Variants in LACTBL1 observed in about 807,000 individuals in gnomAD.
LACTBL1 encodes lactamase beta like 1.
Under a neutral mutation model 39.6 loss-of-function variants are expected in LACTBL1, and 29 were observed. The ratio of observed to expected loss-of-function variants is 0.73; its 90% confidence interval spans 0.55 to 1.00. LACTBL1 has a LOEUF of 1.00. LACTBL1 is among the 50% of genes least tolerant of loss of function. The pLI is 0.00. For missense variants in LACTBL1, 711 were observed against 748.5 expected (o/e 0.95, Z 0.59); for synonymous variants, 361 against 360.7 (o/e 1.00, Z -0.01).
upstream of LACTBL1, among the ~76,000 whole-genome samples, chr1:22,968,098 G>GT (rs201864930): frequency 1.5e-3 from 228 of 151,806 alleles, 1 homozygote; most frequent in African/African-American, 5.1e-3. Context: ...ATGTAGTATT[G>GT]TTTTTTTTGA....
exon 6 of LACTBL1, chr1:22,953,367 G>A (rs1416223458): frequency 3.3e-6 from 4 of 1,228,550 alleles, no homozygotes; most frequent in Non-Finnish European, 4.1e-6. Flanking sequence ...CCTCGTAGAA[G>A]GTCAGGTTGG....
exon 3 of LACTBL1, chr1:22,960,027 C>T (rs1421847260): frequency 1.9e-6 from 3 of 1,550,974 alleles, no homozygotes; most frequent in Non-Finnish European, 2.6e-6. Flanking sequence ...AGCACAGTAT[C>T]ATTGTGGATG....
chr1:22,955,932 C>A (rs891300739), intron 4 of LACTBL1, among the ~76,000 whole-genome samples: 5 of 152,048 alleles, frequency 3.3e-5, no homozygotes, highest in Admixed American at 1.3e-4. Flanking sequence ...GACGTCTTGG[C>A]ATGCGCCTGT....
chr1:22,965,416 A>G, upstream of LACTBL1: 1 of 1,251,980 alleles, frequency 8.0e-7, no homozygotes. Context: ...AAGTTGGGCC[A>G]CCAGCCATCC....
chr1:22,954,145 A>G, intron 5 of LACTBL1, 121 bp from the exon 8 acceptor site: 1 of 1,438,468 alleles, frequency 7.0e-7, no homozygotes, highest in Non-Finnish European at 9.2e-7. Context: ...CCTGCATCCC[A>G]GGTGGTCAGA....
chr1:22,959,035 T>A, intron 3 of LACTBL1, 115 bp from the exon 6 acceptor site: 1 of 652,624 alleles, frequency 1.5e-6, no homozygotes, highest in Non-Finnish European at 2.6e-6. Context: ...CATCCCTGCT[T>A]AAGTCAACAT....
exon 6 of LACTBL1, chr1:22,953,622 C>A: frequency 7.9e-7 from 1 of 1,265,930 alleles, no homozygotes; most frequent in Non-Finnish European, 9.9e-7. Flanking sequence ...GGTAGCCCCG[C>A]TGCGCGTGGA....
the LACTBL1 span, among the ~76,000 whole-genome samples, chr1:22,971,745 G>A: frequency 5.3e-5 from 8 of 152,208 alleles, no homozygotes; most frequent in South Asian, 2.1e-4. Flanking sequence ...TGGCTCTGCC[G>A]TTACTAGTTC....
At chr1:22,964,176 A>G (rs1640854695) in intron 1 of LACTBL1, among the ~76,000 whole-genome samples, 1 of 152,038 alleles carries the variant, frequency 6.6e-6, no homozygotes, top group African/African-American at 2.4e-5. Flanking sequence ...ACCTCAGGTG[A>G]TCCACCTGCC....
At chr1:22,969,730 T>C (rs1435829141), upstream of LACTBL1, among the ~76,000 whole-genome samples, 1 of 152,082 alleles carries the variant, frequency 6.6e-6, no homozygotes, top group African/African-American at 2.4e-5. Flanking sequence ...AAAAACTGTG[T>C]TCTTCCCTTA....
At chr1:22,972,311 C>G in the LACTBL1 span, 1 of 985,094 alleles carries the variant, frequency 1.0e-6, no homozygotes, top group Non-Finnish European at 1.2e-6. Flanking sequence ...TCACCTGGGT[C>G]TTCATTCTCT....
exon 2 of LACTBL1, chr1:22,963,107 C>A: frequency 7.8e-7 from 1 of 1,284,810 alleles, no homozygotes; most frequent in Non-Finnish European, 9.9e-7. Context: ...CATCACTGAC[C>A]TTTTCCAGGG....
At chr1:22,965,371 T>C, upstream of LACTBL1, 1 of 1,269,804 alleles carries the variant, frequency 7.9e-7, no homozygotes. Context: ...AAGCTGCAGA[T>C]GGCCGGGAGG....
At chr1:22,968,414 C>T (rs145511072), upstream of LACTBL1, among the ~76,000 whole-genome samples, 5 of 152,272 alleles carry the variant, frequency 3.3e-5, no homozygotes, top group African/African-American at 4.8e-5. Flanking sequence ...GCTCGTCCCA[C>T]CTTTGATTCT....
chr1:22,963,284 G>T, intron 1 of LACTBL1, 68 bp from the exon 4 acceptor site: 1 of 910,448 alleles, frequency 1.1e-6, no homozygotes, highest in Non-Finnish European at 1.5e-6. Flanking sequence ...GAAAGTGGCA[G>T]CAAAGGCCAG....
the LACTBL1 span, among the ~76,000 whole-genome samples, chr1:22,971,260 A>C: frequency 1.7e-4 from 26 of 152,104 alleles, no homozygotes; most frequent in African/African-American, 6.3e-4. Context: ...CTACACCCCC[A>C]ATTTGTAGCC....
At chr1:22,957,305 A>G (rs1288127501) in intron 4 of LACTBL1, among the ~76,000 whole-genome samples, 1 of 152,228 alleles carries the variant, frequency 6.6e-6, no homozygotes, top group Non-Finnish European at 1.5e-5. Context: ...TATTACAAAC[A>G]GTGCTGTAGT....
At chr1:22,967,565 T>TACACACAC (rs761074956), upstream of LACTBL1, among the ~76,000 whole-genome samples, 1 of 141,018 alleles carries the variant, frequency 7.1e-6, no homozygotes. Flanking sequence ...TCTCCATATA[T>TACACACAC]ATACACACAC....
intron 2 of LACTBL1, 65 bp from the exon 5 acceptor site, chr1:22,960,164 A>G (rs1640805438): frequency 1.3e-6 from 2 of 1,531,586 alleles, no homozygotes; most frequent in South Asian, 1.2e-5. Context: ...ATCATCTGCA[A>G]AGCCACCCTC....
Sources: allele counts gnomAD v4.1 joint callset (sites outside exome capture counted in the v4.1 genomes callset), GRCh38; gene constraint gnomAD v4.1.1; transcripts MANE v1.5; gene names NCBI Gene and HGNC (gene_info 2026-07-23, HGNC 2026-07-21).